The following STK3 variants were observed in gnomAD, a reference collection of about 807,000 sequenced individuals.
The protein encoded by STK3 is serine/threonine kinase 3.
A neutral mutation model predicts 58.0 loss-of-function variants in STK3; 41 were observed. The ratio of observed to expected loss-of-function variants is 0.71; its 90% CI spans 0.55 to 0.92. The LOEUF is 0.92. STK3 is among the 40% of genes least tolerant of loss of function. The pLI, the probability that STK3 is intolerant of heterozygous loss-of-function variation, is 0.00. For synonymous variants in STK3, 170 were observed against 191.0 expected, an observed-to-expected ratio of 0.89 and a Z score of 0.91; for missense variants, 479 against 602.7, an observed-to-expected ratio of 0.79 and a Z score of 2.15.
At chr8:98,427,066 A>AG (rs1818245134) in intron 3 of STK3, 1 of 149,910 alleles carries the variant, frequency 6.7e-6, no homozygotes, top group Non-Finnish European at 1.5e-5. Flanking sequence ...TGGGTGGGTG[A>AG]GGGGCGCGCG....
At chr8:98,739,679 G>A (rs1481609888) in intron 4 of STK3, among the ~76,000 whole-genome samples, 12 of 148,898 alleles carry the variant, frequency 8.1e-5, no homozygotes, top group Admixed American at 3.4e-4. Context: ...ACTCTAAAAA[G>A]CAGAGTGCCT....
chr8:98,469,459 G>T (rs573237072), intron 10 of STK3, among the ~76,000 whole-genome samples: 1 of 152,174 alleles, frequency 6.6e-6, no homozygotes, highest in Non-Finnish European at 1.5e-5. Context: ...CAAGGCTTTG[G>T]TTTTATCCTC....
At chr8:98,500,872 G>A (rs1014116505) in intron 10 of STK3, among the ~76,000 whole-genome samples, 3 of 152,156 alleles carry the variant, frequency 2.0e-5, no homozygotes, top group Non-Finnish European at 4.4e-5. Flanking sequence ...ATAAACATAC[G>A]TGTACATGTG....
chr8:98,924,119 A>G (rs1839693240), intron 1 of STK3, among the ~76,000 whole-genome samples: 1 of 152,212 alleles, frequency 6.6e-6, no homozygotes, highest in Non-Finnish European at 1.5e-5. Flanking sequence ...AAGCATGAAG[A>G]CAAAGATTCC....
chr8:98,793,817 C>CA (rs370466236), intron 1 of STK3, among the ~76,000 whole-genome samples: 1,457 of 143,890 alleles, frequency 0.01, 15 homozygotes, highest in African/African-American at 0.033. Context: ...TCAATTAATT[C>CA]AAAAAAAAAA....
intron 3 of STK3, among the ~76,000 whole-genome samples, chr8:98,855,079 C>G (rs917281051): frequency 1.3e-5 from 2 of 152,074 alleles, no homozygotes; most frequent in African/African-American, 4.8e-5. Flanking sequence ...ACAACAACAA[C>G]AACAAAATGT....
intron 1 of STK3, among the ~76,000 whole-genome samples, chr8:98,902,156 C>G (rs543375064): frequency 6.6e-6 from 1 of 152,140 alleles, no homozygotes; most frequent in African/African-American, 2.4e-5. Flanking sequence ...TCTACTTGAC[C>G]TCTAAATGTC....
chr8:98,693,986 T>A (rs375161741), intron 6 of STK3, among the ~76,000 whole-genome samples: 3 of 152,240 alleles, frequency 2.0e-5, no homozygotes, highest in Non-Finnish European at 4.4e-5. Flanking sequence ...TCTCTTTTTT[T>A]AAAATCCTTT....
intron 1 of STK3, among the ~76,000 whole-genome samples, chr8:98,916,055 C>T (rs1839336924): frequency 6.6e-6 from 1 of 152,088 alleles, no homozygotes; most frequent in Admixed American, 6.6e-5. Flanking sequence ...TTTGGCATAA[C>T]CCTGCAAAAG....
rs79640798 is a variant in STK3 at position 98,745,168 on chromosome 8, A to C, written c.351+4108T>G. ...CAAAGTCTGAGGTGTAACCAGCTGCATATGTTTTACCAAAAAAGCTTGCTA... is the reference window on the plus strand; with the variant it reads ...CAAAGTCTGAGGTGTAACCAGCTGCCTATGTTTTACCAAAAAAGCTTGCTA... On this transcript the variant is annotated intron_variant, in intron 4 of 10. Coordinates refer to ENST00000419617, the MANE Select transcript of STK3 (RefSeq NM_006281.4). Among the ~76,000 whole-genome samples, 861 of 152,318 alleles carry C rather than the reference A, an allele frequency of 5.7e-3. 8 individuals are homozygous for C. The highest frequency in any genetic ancestry group is 0.02 in the African/African-American group (818 of 41,568).
intron 4 of STK3, among the ~76,000 whole-genome samples, chr8:98,713,215 A>G (rs949740304): frequency 1.3e-5 from 2 of 152,324 alleles, no homozygotes; most frequent in East Asian, 1.9e-4. Flanking sequence ...TAACATCACA[A>G]TTAAAAGAAC....
At chr8:98,655,986 T>C (rs1821467684) in intron 6 of STK3, among the ~76,000 whole-genome samples, 1 of 152,190 alleles carries the variant, frequency 6.6e-6, no homozygotes, top group African/African-American at 2.4e-5. Flanking sequence ...CATTACTGGG[T>C]ATATACCCAA....
intron 9 of STK3, among the ~76,000 whole-genome samples, chr8:98,538,610 G>T (rs1218340641): frequency 6.6e-6 from 1 of 152,146 alleles, no homozygotes; most frequent in African/African-American, 2.4e-5. Context: ...TAAAAGGAAG[G>T]AGTTCCTGTG....
the STK3 span, among the ~76,000 whole-genome samples, chr8:98,355,773 C>T: frequency 6.6e-6 from 1 of 152,200 alleles, no homozygotes; most frequent in South Asian, 2.1e-4. Context: ...ATGTAATACC[C>T]ATCAATGCCA....
At chr8:98,832,833 C>T (rs1057286965) in intron 3 of STK3, among the ~76,000 whole-genome samples, 2 of 152,126 alleles carry the variant, frequency 1.3e-5, no homozygotes, top group African/African-American at 2.4e-5. Context: ...CACCAATGTT[C>T]CAGGCCTTAC....
chr8:98,347,388 G>A, the STK3 span, among the ~76,000 whole-genome samples: 15 of 151,690 alleles, frequency 9.9e-5, 1 homozygote, highest in Admixed American at 3.3e-4. Context: ...GATGGCGGGC[G>A]CCTGTAGTCC....
chr8:98,359,344 T>TAAAAAAAA, the STK3 span, among the ~76,000 whole-genome samples: 4 of 55,708 alleles, frequency 7.2e-5, no homozygotes, highest in African/African-American at 1.3e-4. Flanking sequence ...CCATCTCAAC[T>TAAAAAAAA]AAAAAAAAAA....
intron 1 of STK3, among the ~76,000 whole-genome samples, chr8:98,926,026 C>T (rs902774485): frequency 4.6e-5 from 7 of 151,930 alleles, no homozygotes; most frequent in African/African-American, 9.7e-5. Context: ...AAAGAGGGGC[C>T]GGGGGAGAAG....
intron 7 of STK3, 175 bp downstream of exon 7, chr8:98,595,857 T>C: frequency 1.7e-6 from 1 of 582,788 alleles, no homozygotes; most frequent in Non-Finnish European, 2.7e-6. Flanking sequence ...TTAAAATGAC[T>C]CTGGGGGAAA....
Sources: allele counts gnomAD v4.1 joint callset (sites outside exome capture counted in the v4.1 genomes callset), GRCh38; gene constraint gnomAD v4.1.1; transcripts MANE v1.5; gene names NCBI Gene and HGNC (gene_info 2026-07-23, HGNC 2026-07-21).